CILP2: variants seen among roughly 807,000 people sequenced by gnomAD.
CILP2 encodes the protein cartilage intermediate layer protein 2, also known as CILP-2.
CILP2 carries 38 observed loss-of-function variants against 45.6 expected under a neutral mutation model. That is an observed-to-expected ratio of 0.83 (90% CI 0.64 to 1.09). The LOEUF (loss-of-function observed/expected upper bound fraction) is 1.09. Ranked by LOEUF, CILP2 falls within the 50% of genes least tolerant of loss-of-function variation. The pLI is 0.00. For missense variants in CILP2, 1,735 were observed against 1,662.2 expected, an observed-to-expected ratio of 1.04 and a Z score of -0.76; for synonymous variants, 780 against 723.5, an observed-to-expected ratio of 1.08 and a Z score of -1.25.
chr19:19,543,277 G>A lies in CILP2; in HGVS notation c.1007G>A (p.Arg336Gln), dbSNP rs188436574. ...CACAATGGGACCCTGCTGGACAGGCGAGCTCATGGGTACGGGGCCCACCTG... is the reference window on the plus strand; with the variant it reads ...CACAATGGGACCCTGCTGGACAGGCAAGCTCATGGGTACGGGGCCCACCTG... ...WFHNGTLLDR[R>Q]AHGYGAHLEL... Residue 336 changes from arginine to glutamine, a missense_variant, in exon 7 of 8, where the codon CGA (arginine) becomes CAA (glutamine). Coordinates refer to ENST00000291495, the MANE Select transcript of CILP2 (RefSeq NM_153221.2). 8.9e-5 allele frequency: 144 copies of A among 1,613,660 alleles called. No individual in the cohort carries two copies. The highest frequency in any genetic ancestry group is 1.1e-4 in the Non-Finnish European group (126 of 1,179,990).
At chr19:19,541,051 G>C in intron 3 of CILP2, 40 bp from the exon 4 acceptor site, 1 of 1,244,342 alleles carries the variant, frequency 8.0e-7, no homozygotes, top group Non-Finnish European at 1.0e-6. Context: ...GCAGTTCCTG[G>C]GGAGGGCGGC....
In CILP2 at chr19:19,545,909, C is replaced by T; in HGVS notation, c.3364C>T (p.Pro1122Ser). 4 of 1,581,494 alleles carry T rather than the reference C, an allele frequency of 2.5e-6. No individual in the cohort carries two copies. The highest frequency in any genetic ancestry group is 3.5e-6 in the Non-Finnish European group (4 of 1,158,078). The change falls in exon 8 of 8, where the codon CCG becomes TCG. Residue 1122 changes from proline to serine, a missense_variant. By Grantham distance (74) the Pro-to-Ser change is moderately conservative. Coordinates refer to ENST00000291495, the MANE Select transcript of CILP2 (RefSeq NM_153221.2). ...CCTCTTCCAGAGGCTGCTGGAGTCC[C>T]CGGCGACAGCACTTGGTGACATCCG... ...PSLFQRLLES[P>S]ATALGDIRRE...
In CILP2 at chr19:19,545,489, G is replaced by T; in HGVS notation, c.2944G>T (p.Glu982Ter). The change falls in exon 8 of 8, where the codon GAG becomes TAG. Residue 982 changes from glutamate to a stop codon, truncating the protein, a stop_gained. Coordinates refer to ENST00000291495, the MANE Select transcript of CILP2 (RefSeq NM_153221.2). LOFTEE classifies it low-confidence loss of function (END_TRUNC). The stretch of plus-strand genomic sequence containing the variant: ...GGATGCCCGGAGTGTGCGAGACCCC[G>T]AGCGTCCGGGCACCTCGGCAGCCTG... ...LRDARSVRDPERPGTSAACVE... is the reference protein window; with the variant it reads ...LRDARSVRDP The T allele has an allele frequency of 6.2e-7, 1 of 1,612,374 alleles. No individual in the cohort carries two copies. Among genetic ancestry groups the T allele is most frequent in the Non-Finnish European group, 8.5e-7 (1 of 1,179,798 alleles).
rs2061264917 is a variant in CILP2, at chr19:19,546,212, TGG to T, written c.*197_*198del. 2 of 466,682 alleles carry T rather than the reference TGG, an allele frequency of 4.3e-6. No individual in the cohort carries two copies. Among genetic ancestry groups the T allele is most frequent in the Middle Eastern group, 5.7e-4 (1 of 1,762 alleles). 28.9% of individuals were successfully genotyped at this position (466,682 alleles called of 1,614,324 possible). ...CACCAGGAAGACAATTGTTGCTGTG[TGG>T]TATGGAATGGAGTTTGCGGTGACTC... On this transcript the variant is annotated 3_prime_UTR_variant, in exon 8 of 8. Coordinates refer to ENST00000291495, the MANE Select transcript of CILP2 (RefSeq NM_153221.2).
Position 19,544,738 on chromosome 19 carries a change from G to A in CILP2, c.2193G>A (p.Val731=), listed in dbSNP as rs375807475. 22 of 1,604,306 alleles carry A rather than the reference G, an allele frequency of 1.4e-5. No homozygotes were observed. The highest frequency in any genetic ancestry group is 1.7e-6 in the Non-Finnish European group (2 of 1,178,588). The part of the protein sequence containing the change: ...IRERRLFNLD[V]PERRRCFVKV... ...AGCGGCGCCTGTTCAATCTGGACGT[G>A]CCTGAGCGCCGCCGCTGCTTCGTGA... The change falls in exon 8 of 8, where the codon GTG becomes GTA. Residue 731 remains valine (V), a synonymous_variant. Coordinates refer to ENST00000291495, the MANE Select transcript of CILP2 (RefSeq NM_153221.2).
Position 19,546,231 on chromosome 19 carries a change from C to T in CILP2, c.*215C>T, listed in dbSNP as rs906640246. ...GCTGTGTGGTATGGAATGGAGTTTG[C>T]GGTGACTCTGGGGCCAGCACCCAGG... On this transcript the variant is annotated 3_prime_UTR_variant, in exon 8 of 8. Transcript: ENST00000291495. 6 of 419,878 alleles carry T rather than the reference C, an allele frequency of 1.4e-5. No individual in the cohort carries two copies. Among genetic ancestry groups the T allele is most frequent in the East Asian group, 3.6e-5 (1 of 28,034 alleles). The allele number at this position is 419,878 out of a possible 1,614,324, so 26.0% of individuals were successfully genotyped here.
intron 4 of CILP2, among the ~76,000 whole-genome samples, chr19:19,541,594 T>C (rs1039886112): frequency 1.3e-5 from 2 of 152,254 alleles, no homozygotes; most frequent in South Asian, 4.1e-4. Context: ...CATGGGCAGA[T>C]AGGAGGGGGT....
Position 19,544,840 on chromosome 19 carries a change from G to A in CILP2, c.2295G>A (p.Leu765=). The A allele has an allele frequency of 6.2e-7, 1 of 1,600,590 alleles. No homozygotes were observed. Among genetic ancestry groups the A allele is most frequent in the South Asian group, 1.1e-5 (1 of 90,964 alleles). The change falls in exon 8 of 8, where the codon CTG becomes CTA. Residue 765 remains leucine, a synonymous_variant. Transcript: ENST00000291495. The part of the protein sequence containing the change: ...VEGVVVTLVN[L]EPAPGFSANP... ...GCGTGGTGGTCACGCTGGTCAATCTGGAGCCCGCCCCCGGCTTCTCCGCCA... is the reference window on the plus strand; with the variant it reads ...GCGTGGTGGTCACGCTGGTCAATCTAGAGCCCGCCCCCGGCTTCTCCGCCA...
chr19:19,540,291 A>T lies in CILP2; in HGVS notation c.251A>T (p.Tyr84Phe). The change falls in exon 3 of 8, where the codon TAC (tyrosine) becomes TTC (phenylalanine). Residue 84 changes from tyrosine to phenylalanine, a missense_variant. Coordinates refer to ENST00000291495, the MANE Select transcript of CILP2 (RefSeq NM_153221.2). ...AGCCTGGCTGCCATCCGCTTCTACT[A>T]CGGGCCAGCGCGCGTGTGCCCGCGA... ...FESLAAIRFY[Y>F]GPARVCPRPL... 1.3e-6 allele frequency: 2 copies of T among 1,593,874 alleles called. 1 individual carries two copies. The highest frequency in any genetic ancestry group is 2.2e-5 in the South Asian group (2 of 89,314).
Position 19,540,153 on chromosome 19 carries a change from A to G in CILP2, c.164-51A>G, listed in dbSNP as rs535674990. On this transcript the variant is annotated intron_variant, in intron 2 of 7. Transcript: ENST00000291495. ...GCAAGTAAGGCCTTTGCACGCATGC[A>G]TGGGGGCCTACAGGCCGCCGCCCTG... 5.4e-6 allele frequency: 8 copies of G among 1,490,492 alleles called. No homozygotes were observed. In the African/African-American group the frequency reaches 1.2e-4, roughly 21 times the overall value. 92.3% of individuals were successfully genotyped at this position (1,490,492 alleles called of 1,614,324 possible). A position where few individuals can be genotyped will look rare whatever the true frequency, so the allele number is the denominator to read the frequency against.
chr19:19,544,038 A>T lies in CILP2; in HGVS notation c.1493A>T (p.Glu498Val). The T allele has an allele frequency of 6.2e-7, 1 of 1,613,866 alleles. No individual in the cohort carries two copies. The highest frequency in any genetic ancestry group is 8.5e-7 in the Non-Finnish European group (1 of 1,179,938). ...LRFARILLGQEPIGFTAYQGD... is the reference protein window; with the variant it reads ...LRFARILLGQVPIGFTAYQGD... ...TTCGCCAGGATTCTGCTGGGCCAGG[A>T]GCCCATCGGCTTCACCGCCTACCAG... The change falls in exon 8 of 8, where the codon GAG (glutamate) becomes GTG (valine). Residue 498 changes from glutamate to valine, a missense_variant. Physicochemically the swap from Glu to Val is moderately radical, Grantham distance 121. Transcript: ENST00000291495.
rs1340779231 is a variant in CILP2, at chr19:19,544,491, C to G, written c.1946C>G (p.Ala649Gly). The change falls in exon 8 of 8, where the codon GCG becomes GGG. Residue 649 changes from alanine to glycine, a missense_variant. Transcript: ENST00000291495. ...TYGMFSVDLR[A>G]PGSAEQLQVG... The stretch of plus-strand genomic sequence containing the variant: ...GGCATGTTCTCCGTGGACCTCCGTG[C>G]GCCCGGCTCCGCGGAGCAGCTGCAG... 1 of 1,604,088 alleles carries G rather than the reference C, an allele frequency of 6.2e-7. No homozygotes were observed. Among genetic ancestry groups the G allele is most frequent in the African/African-American group, 1.3e-5 (1 of 74,942 alleles).
chr19:19,539,393 G>T (rs575253096), intron 1 of CILP2, among the ~76,000 whole-genome samples: 1 of 151,912 alleles, frequency 6.6e-6, no homozygotes, highest in Non-Finnish European at 1.5e-5. Context: ...GTGAAACCCC[G>T]TCTCTACTAA....
At position 19,545,282 on chromosome 19, in the gene CILP2, C is replaced by T; in HGVS notation, c.2737C>T (p.Pro913Ser). ...EADKYEYNVV[P>S]FREGTPASWT... ...GGACAAGTACGAGTACAACGTGGTC[C>T]CCTTCCGAGAGGGCACACCTGCCTC... Residue 913 changes from proline (P) to serine (S), a missense_variant, in exon 8 of 8, where the codon CCC (proline) becomes TCC (serine). Transcript: ENST00000291495. The T allele has an allele frequency of 6.2e-7, 1 of 1,612,940 alleles. No individual in the cohort carries two copies.
chr19:19,542,004 G>A (rs1212070140), intron 4 of CILP2, among the ~76,000 whole-genome samples: 1 of 152,212 alleles, frequency 6.6e-6, no homozygotes, highest in East Asian at 1.9e-4. Context: ...CGCAGGATTG[G>A]GAAGGGGGGC....
rs750556678 is a variant in CILP2 at position 19,542,677 on chromosome 19, G to A, written c.868+27G>A. The A allele has an allele frequency of 2.2e-5, 36 of 1,608,022 alleles. No homozygotes were observed. In the East Asian group the frequency reaches 8.0e-4, roughly 36 times the overall value. ...TAAGCACCCTTGCAACATGGGGCAT[G>A]AAGGGGCTGAGGATCTGGGGAGGAA... On this transcript the variant is annotated intron_variant, in intron 5 of 7. Coordinates refer to ENST00000291495, the MANE Select transcript of CILP2 (RefSeq NM_153221.2).
At chr19:19,538,518 G>A in intron 1 of CILP2, 105 bp downstream of exon 1, 4 of 895,374 alleles carry the variant, frequency 4.5e-6, no homozygotes, top group Admixed American at 3.8e-5. Context: ...GGACCCACGC[G>A]CTTCCCCGGG....
chr19:19,539,875 C>G (rs1023839968), intron 2 of CILP2, 98 bp downstream of exon 2: 5 of 982,456 alleles, frequency 5.1e-6, no homozygotes, highest in Non-Finnish European at 7.2e-6. Context: ...ACACACTAGA[C>G]GAAGGGCCCG....
chr19:19,542,822 G>A, intron 5 of CILP2, 42 bp from the exon 6 acceptor site: 1 of 1,567,330 alleles, frequency 6.4e-7, no homozygotes, highest in Non-Finnish European at 8.8e-7. Flanking sequence ...CCTAGGAAGG[G>A]TGGGTGGGAG....
Sources: gnomAD v4.1 joint callset for allele counts (sites outside exome capture counted in the v4.1 genomes callset) on GRCh38, gnomAD v4.1.1 for gene constraint, MANE v1.5 for transcripts, NCBI Gene and HGNC (gene_info 2026-07-23, HGNC 2026-07-21) for gene names.